Variants in BRIP1 observed in about 807,000 individuals in gnomAD.
BRIP1 encodes the protein Fanconi anemia group J protein.
A neutral mutation model predicts 119.7 loss-of-function variants in BRIP1; 88 were observed. The observed-to-expected ratio is 0.74, with a 90% CI of 0.62 to 0.88. The LOEUF (loss-of-function observed/expected upper bound fraction) is 0.88, where lower values mean the gene tolerates loss of function less well. Ranked by LOEUF, BRIP1 falls within the 40% of genes least tolerant of loss-of-function variation. The pLI is 0.00. For missense variants in BRIP1, 1,259 were observed against 1,455.4 expected (o/e 0.87, Z 2.20); for synonymous variants, 443 against 496.5 (o/e 0.89, Z 1.43).
At position 61,755,226 on chromosome 17, in the gene BRIP1, G is replaced by T. The variant is rs1245986897; in HGVS notation, c.2098-10635C>A. On this transcript the variant is annotated intron_variant, in intron 14 of 19. Transcript: ENST00000259008. The surrounding 1 kb of genome is among the most constrained non-coding windows in gnomAD (Gnocchi z 4.5). ...AGGTCAGGGAGGAGAGTAGGGAGGG[G>T]TAAAACATAACTGTAAAACCAGATG... 2.0e-5 allele frequency among the ~76,000 whole-genome samples: 3 copies of T among 152,072 alleles called. No individual in the cohort carries two copies. The highest frequency in any genetic ancestry group is 4.4e-5 in the Non-Finnish European group (3 of 68,000).
intron 14 of BRIP1, among the ~76,000 whole-genome samples, chr17:61,766,001 A>G (rs1486282912): frequency 1.3e-5 from 2 of 152,164 alleles, no homozygotes; most frequent in African/African-American, 4.8e-5. Context: ...CTCATAATCA[A>G]AAACAAATGT....
rs2144117884 is a variant in BRIP1 at position 61,686,133 on chromosome 17, G to A, written c.2608C>T (p.His870Tyr). 1 of 1,614,032 alleles carries A rather than the reference G, an allele frequency of 6.2e-7. No individual in the cohort carries two copies. ...LSKWVRQQIQ[H>Y]HSTFESALES... ...AGTGCACTTTCAAAGGTTGAATGGTGCTGAATCTGCTGCCGTACCCATTTA... is the reference window on the plus strand; with the variant it reads ...AGTGCACTTTCAAAGGTTGAATGGTACTGAATCTGCTGCCGTACCCATTTA... Residue 870 changes from histidine to tyrosine, a missense_variant, in exon 19 of 20, where the codon CAC (histidine) becomes TAC (tyrosine). By Grantham distance (83) the His-to-Tyr change is moderately conservative (BLOSUM62 2). Around this residue, in one of 3 missense-constraint regions of BRIP1, gnomAD observed 753 missense variants for 891.8 expected, o/e 0.84. Transcript: ENST00000259008. The surrounding 1 kb of genome is among the most constrained non-coding windows in gnomAD (Gnocchi z 5.4).
chr17:61,850,829 CA>C (rs371339265), intron 4 of BRIP1, among the ~76,000 whole-genome samples: 338 of 139,652 alleles, frequency 2.4e-3, no homozygotes, highest in African/African-American at 4.8e-3. Flanking sequence ...TCTATGTCTC[CA>C]AAAAAAAAAG....
intron 17 of BRIP1, among the ~76,000 whole-genome samples, chr17:61,702,534 G>A (rs142608937): frequency 3.3e-5 from 5 of 152,190 alleles, no homozygotes; most frequent in South Asian, 2.1e-4. Flanking sequence ...TTTAGCTCCC[G>A]TGTATAAGTG....
Position 61,751,262 on chromosome 17 carries a change from T to C in BRIP1, c.2098-6671A>G, listed in dbSNP as rs2077127811. Reference sequence around the variant, plus strand: ...CAAATATTATATGATTTCACTTATATGAGGTACCTAGAATAGACAAATTCT... The same window carrying C: ...CAAATATTATATGATTTCACTTATACGAGGTACCTAGAATAGACAAATTCT... On this transcript the variant is annotated intron_variant, in intron 14 of 19. Coordinates refer to ENST00000259008, the MANE Select transcript of BRIP1 (RefSeq NM_032043.3). This position sits in a 1 kb window ranked among gnomAD's most constrained non-coding sequence, Gnocchi z 6.7. 1.3e-5 allele frequency among the ~76,000 whole-genome samples: 2 copies of C among 152,170 alleles called. No homozygotes were observed. The highest frequency in any genetic ancestry group is 4.1e-4 in the South Asian group (2 of 4,826).
At chr17:61,791,513 A>G (rs2077817277) in intron 10 of BRIP1, among the ~76,000 whole-genome samples, 1 of 148,996 alleles carries the variant, frequency 6.7e-6, no homozygotes, top group African/African-American at 2.5e-5. Context: ...AAAAAAAAGA[A>G]TTTGAGTTTT....
At chr17:61,685,560 TCC>T in intron 19 of BRIP1, 3 of 476,052 alleles carry the variant, frequency 6.3e-6, no homozygotes, top group African/African-American at 3.9e-5. Context: ...ATTTTTTTTT[TCC>T]TATTACGACT....
Position 61,736,218 on chromosome 17 carries a change from C to G in BRIP1, c.2379+6795G>C, listed in dbSNP as rs1331950120. Among the ~76,000 whole-genome samples the G allele has an allele frequency of 6.6e-6, 1 of 151,772 alleles. No homozygotes were observed. The highest frequency in any genetic ancestry group is 1.5e-5 in the Non-Finnish European group (1 of 67,954). ...TGGCACATGCCTACAGTCCTAGCTACCCAGGAGACTGAGGCAGGAGGATCA... is the reference window on the plus strand; with the variant it reads ...TGGCACATGCCTACAGTCCTAGCTAGCCAGGAGACTGAGGCAGGAGGATCA... On this transcript the variant is annotated intron_variant, in intron 16 of 19. Coordinates refer to ENST00000259008, the MANE Select transcript of BRIP1 (RefSeq NM_032043.3). The surrounding 1 kb of genome is among the most constrained non-coding windows in gnomAD (Gnocchi z 4.4).
intron 8 of BRIP1, 102 bp downstream of exon 8, chr17:61,801,151 T>A (rs1328100203): frequency 2.9e-6 from 3 of 1,034,338 alleles, no homozygotes; most frequent in Non-Finnish European, 1.4e-6. Flanking sequence ...TTTATTTACA[T>A]AAATTAAAGC....
At position 61,785,985 on chromosome 17, in the gene BRIP1, A is replaced by G. The variant is rs1417216875; in HGVS notation, c.1474-1561T>C. 2.6e-5 allele frequency among the ~76,000 whole-genome samples: 4 copies of G among 152,150 alleles called. No homozygotes were observed. The East Asian group carries it at 7.7e-4, about 29-fold the overall frequency. On this transcript the variant is annotated intron_variant, in intron 10 of 19. Coordinates refer to ENST00000259008, the MANE Select transcript of BRIP1 (RefSeq NM_032043.3). ...TGGAAAAATAAATAAAAAGTTAATT[A>G]TGGTTCCTTAGGAAACATACATAAA...
rs750212793 is a variant in BRIP1, at chr17:61,729,078, C to T, written c.2380-13015G>A. Among the ~76,000 whole-genome samples, 3 of 151,762 alleles carry T rather than the reference C, an allele frequency of 2.0e-5. No homozygotes were observed. The highest frequency in any genetic ancestry group is 2.9e-5 in the Non-Finnish European group (2 of 67,932). Reference sequence around the variant, plus strand: ...GGCGGATCTTCTGAGGTCGGGAGTTCGAGACCAGCCTGACCAACATAGAGA... The same window carrying T: ...GGCGGATCTTCTGAGGTCGGGAGTTTGAGACCAGCCTGACCAACATAGAGA... On this transcript the variant is annotated intron_variant, in intron 16 of 19. Transcript: ENST00000259008. This position sits in a 1 kb window ranked among gnomAD's most constrained non-coding sequence, Gnocchi z 5.6.
chr17:61,720,867 A>G lies in BRIP1; in HGVS notation c.2380-4804T>C, dbSNP rs1319831597. On this transcript the variant is annotated intron_variant, in intron 16 of 19. Coordinates refer to ENST00000259008, the MANE Select transcript of BRIP1 (RefSeq NM_032043.3). This position sits in a 1 kb window ranked among gnomAD's most constrained non-coding sequence, Gnocchi z 4.3. ...TAACTTTTTCTTTTTTTTTTGAGAC[A>G]GAGTCTCGCTCCATTGCCCAGGCTG... Among the ~76,000 whole-genome samples, 1 of 151,940 alleles carries G rather than the reference A, an allele frequency of 6.6e-6. No homozygotes were observed. Among genetic ancestry groups the G allele is most frequent in the African/African-American group, 2.4e-5 (1 of 41,364 alleles).
Position 61,822,390 on chromosome 17 carries a change from T to TTGCAGAA in BRIP1, c.628-13640_628-13634dup, listed in dbSNP as rs1283657634. Among the ~76,000 whole-genome samples, 6 of 152,158 alleles carry TTGCAGAA rather than the reference T, an allele frequency of 3.9e-5. No homozygotes were observed. The East Asian group carries it at 1.2e-3, about 29-fold the overall frequency. On this transcript the variant is annotated intron_variant, in intron 6 of 19. Transcript: ENST00000259008. This position sits in a 1 kb window ranked among gnomAD's most constrained non-coding sequence, Gnocchi z 4.4. Reference sequence around the variant, plus strand: ...GGAGAAGTAACTAGTTTTTCAGGGCTTGCAGAATCATTTTACTCAATTTGA... The same window carrying TTGCAGAA: ...GGAGAAGTAACTAGTTTTTCAGGGCTTGCAGAATGCAGAATCATTTTACTCAATTTGA...
chr17:61,757,747 C>T lies in BRIP1; in HGVS notation c.2098-13156G>A, dbSNP rs1271026708. Among the ~76,000 whole-genome samples the T allele has an allele frequency of 1.3e-5, 2 of 151,984 alleles. No individual in the cohort carries two copies. The highest frequency in any genetic ancestry group is 2.4e-5 in the African/African-American group (1 of 41,388). On this transcript the variant is annotated intron_variant, in intron 14 of 19. Coordinates refer to ENST00000259008, the MANE Select transcript of BRIP1 (RefSeq NM_032043.3). This position sits in a 1 kb window ranked among gnomAD's most constrained non-coding sequence, Gnocchi z 4.3. ...AGACGCGGTGGCTCACACCTGTAAT[C>T]CCAGCACTTTGGGAGGCCAAGGCAG...
chr17:61,781,440 TAGAA>T (rs750489662), intron 11 of BRIP1, among the ~76,000 whole-genome samples: 191 of 152,140 alleles, frequency 1.3e-3, no homozygotes, highest in Non-Finnish European at 1.9e-3. Context: ...AATGAGAAAA[TAGAA>T]GGATAATTTT....
Position 61,687,081 on chromosome 17 carries a change from T to G in BRIP1, c.2576-916A>C, listed in dbSNP as rs1032597563. ...AAAAATATGTGAAATTCTCTAAAAT[T>G]GAAAATTTTTAGGCTGAGTGTGGTG... On this transcript the variant is annotated intron_variant, in intron 18 of 19. Transcript: ENST00000259008. The surrounding 1 kb of genome is among the most constrained non-coding windows in gnomAD (Gnocchi z 5.1). 3.3e-5 allele frequency among the ~76,000 whole-genome samples: 5 copies of G among 152,052 alleles called. No homozygotes were observed. The highest frequency in any genetic ancestry group is 1.2e-4 in the African/African-American group (5 of 41,400).
chr17:61,841,846 T>C lies in BRIP1; in HGVS notation c.627+5255A>G, dbSNP rs912565513. ...GGCACGTACCACCACGCCTGGCTAA[T>C]TTTTTTAAAAATTTTGTACAGATGG... is the stretch of plus-strand genomic sequence containing the variant. On this transcript the variant is annotated intron_variant, in intron 6 of 19. Coordinates refer to ENST00000259008, the MANE Select transcript of BRIP1 (RefSeq NM_032043.3). This position sits in a 1 kb window ranked among gnomAD's most constrained non-coding sequence, Gnocchi z 4.1. 1.3e-5 allele frequency among the ~76,000 whole-genome samples: 2 copies of C among 152,088 alleles called. No individual in the cohort carries two copies. The highest frequency in any genetic ancestry group is 2.9e-5 in the Non-Finnish European group (2 of 68,012).
In BRIP1 at chr17:61,806,510, C is replaced by T. The variant is rs1045432209; in HGVS notation, c.918+1957G>A. Among the ~76,000 whole-genome samples, 21 of 152,070 alleles carry T rather than the reference C, an allele frequency of 1.4e-4. No individual in the cohort carries two copies. Among genetic ancestry groups the T allele is most frequent in the Admixed American group, 5.2e-4 (8 of 15,260 alleles). The stretch of plus-strand genomic sequence containing the variant: ...ACAAACTAAAGGCCAATGAAAAATT[C>T]GGAACATTGAAGTCTACTGAATTCC... On this transcript the variant is annotated intron_variant, in intron 7 of 19. Coordinates refer to ENST00000259008, the MANE Select transcript of BRIP1 (RefSeq NM_032043.3). This position sits in a 1 kb window ranked among gnomAD's most constrained non-coding sequence, Gnocchi z 4.9.
chr17:61,763,429 C>T lies in BRIP1; in HGVS notation c.2097+12972G>A, dbSNP rs151209876. 1.5e-3 allele frequency among the ~76,000 whole-genome samples: 224 copies of T among 152,242 alleles called. 1 individual carries two copies. Among genetic ancestry groups the T allele is most frequent in the South Asian group, 4.1e-3 (20 of 4,822 alleles). ...ACCATGTGACCTATGGTATTCTCTA[C>T]ATTGAGCTGCTATCTGTAGAATCTT... On this transcript the variant is annotated intron_variant, in intron 14 of 19. Transcript: ENST00000259008.
Sources: allele counts gnomAD v4.1 joint callset (sites outside exome capture counted in the v4.1 genomes callset), GRCh38; gene constraint gnomAD v4.1.1; regional missense constraint gnomAD v4.1.1; non-coding constraint Gnocchi (gnomAD v3.1); transcripts MANE v1.5; gene names NCBI Gene and HGNC (gene_info 2026-07-23, HGNC 2026-07-21).